The following ARPC5 variants were observed in gnomAD, a reference collection of about 807,000 sequenced individuals.
The protein encoded by ARPC5 is actin related protein 2/3 complex subunit 5, also known as actin-related protein 2/3 complex subunit 5.
ARPC5 carries 5 observed loss-of-function variants against 15.4 expected under a neutral mutation model. The observed-to-expected ratio is 0.32, with a 90% CI of 0.17 to 0.68. ARPC5 has a LOEUF of 0.68. Among genes scored for constraint, ARPC5 ranks in the 30% least tolerant of loss-of-function variants. The probability of loss-of-function intolerance (pLI) is 0.71; values close to 1 mark genes in which losing one functional copy is unlikely to be tolerated. For missense variants in ARPC5, 138 were observed against 192.8 expected (o/e 0.72, Z 1.68); for synonymous variants, 85 against 72.2 (o/e 1.18, Z -0.90).
intron 3 of ARPC5, among the ~76,000 whole-genome samples, chr1:183,628,098 A>G (rs61377120): frequency 0.083 from 11,846 of 142,286 alleles, 902 homozygotes; most frequent in African/African-American, 0.21. Flanking sequence ...GTGTGAACCC[A>G]GGAGGCGGAG....
At position 183,633,234 on chromosome 1, in the gene ARPC5, A is replaced by G. The variant is rs1422746109; in HGVS notation, c.144-80T>C. ...ACCACTGGTTCTTATGACTTGATTTACATATAAAAAGAAAATTACTTTGGT... is the reference window on the plus strand; with the variant it reads ...ACCACTGGTTCTTATGACTTGATTTGCATATAAAAAGAAAATTACTTTGGT... On this transcript the variant is annotated intron_variant, in intron 1 of 3. Transcript: ENST00000359856. The G allele has an allele frequency of 6.2e-6, 6 of 960,658 alleles. No individual in the cohort carries two copies. In the Admixed American group the frequency reaches 1.7e-4, roughly 28 times the overall value. 59.5% of individuals were successfully genotyped at this position (960,658 alleles called of 1,614,324 possible). A position where few individuals can be genotyped will look rare whatever the true frequency, so the allele number is the denominator to read the frequency against.
At chr1:183,634,874 C>G (rs918918549) in intron 1 of ARPC5, among the ~76,000 whole-genome samples, 2 of 148,446 alleles carry the variant, frequency 1.3e-5, no homozygotes, top group Non-Finnish European at 3.0e-5. Context: ...TTAACAAATT[C>G]TGTACAATGT....
rs1323592991 is a variant in ARPC5, at chr1:183,626,855, T to C, written c.*677A>G. ...AAGCTCTGATATTTTATGGATACAT[T>C]TGTATAAAGCAAGACTTCTTGCTCT... On this transcript the variant is annotated 3_prime_UTR_variant, in exon 4 of 4. Transcript: ENST00000359856. The C allele has an allele frequency of 6.6e-6, 1 of 152,252 alleles. No homozygotes were observed. Among genetic ancestry groups the C allele is most frequent in the East Asian group, 1.9e-4 (1 of 5,202 alleles). The allele number at this position is 152,252 out of a possible 1,614,324, so 9.4% of individuals were successfully genotyped here.
In ARPC5 at chr1:183,623,658, G is replaced by T; in HGVS notation, c.*3874C>A. 1.4e-6 allele frequency: 1 copy of T among 698,724 alleles called. No homozygotes were observed. The highest frequency in any genetic ancestry group is 2.3e-6 in the Non-Finnish European group (1 of 427,178). The allele number at this position is 698,724 out of a possible 1,614,324, so 43.3% of individuals were successfully genotyped here. On this transcript the variant is annotated 3_prime_UTR_variant, in exon 4 of 4. Transcript: ENST00000359856. ...ATTGGGTGTGTTTTTCAATTATTTTGGTGCTTTTAACATATTTTGTCTGTA... is the reference window on the plus strand; with the variant it reads ...ATTGGGTGTGTTTTTCAATTATTTTTGTGCTTTTAACATATTTTGTCTGTA...
chr1:183,621,872 A>G lies in ARPC5; in HGVS notation c.*5660T>C, dbSNP rs936228562. ...CTGTTTTATCAGCAAGGTCTTTATG[A>G]CCGGTATCTTGTGTTGACCTCCTAT... On this transcript the variant is annotated 3_prime_UTR_variant, in exon 4 of 4. Transcript: ENST00000359856. The G allele has an allele frequency of 1.3e-5, 2 of 152,100 alleles. No individual in the cohort carries two copies. The highest frequency in any genetic ancestry group is 2.9e-5 in the Non-Finnish European group (2 of 68,008). 9.4% of individuals were successfully genotyped at this position (152,100 alleles called of 1,614,324 possible).
Position 183,635,733 on chromosome 1 carries a change from C to T in ARPC5, c.-74G>A. On this transcript the variant is annotated 5_prime_UTR_variant, in exon 1 of 4. It adds an upstream start codon to the 5' untranslated region. Coordinates refer to ENST00000359856, the MANE Select transcript of ARPC5 (RefSeq NM_005717.4). ...TCAGCAAGCCCAGCCCAGCAACCCA[C>T]TACCCGGCGCCTGATTCACTTCCCT... is the stretch of plus-strand genomic sequence containing the variant. 1.9e-6 allele frequency: 3 copies of T among 1,548,398 alleles called. No individual in the cohort carries two copies. The highest frequency in any genetic ancestry group is 1.4e-5 in the African/African-American group (1 of 72,962).
Position 183,623,279 on chromosome 1 carries a change from TTGA to T in ARPC5, c.*4250_*4252del, listed in dbSNP as rs1183585830. On this transcript the variant is annotated 3_prime_UTR_variant, in exon 4 of 4. Coordinates refer to ENST00000359856, the MANE Select transcript of ARPC5 (RefSeq NM_005717.4). ...GAGATGTAAACATAGATTATTTATG[TTGA>T]TTACTCTTACACACTCAAGTAACAG... is the stretch of plus-strand genomic sequence containing the variant. 4.1e-6 allele frequency: 3 copies of T among 736,100 alleles called. No homozygotes were observed. In the African/African-American group the frequency reaches 5.3e-5, roughly 13 times the overall value. 45.6% of individuals were successfully genotyped at this position (736,100 alleles called of 1,614,324 possible). A position where few individuals can be genotyped will look rare whatever the true frequency, so the allele number is the denominator to read the frequency against.
Position 183,635,509 on chromosome 1 carries a change from A to C in ARPC5, c.143+8T>G. ...CTGGGGTGGGGAGGGCGGTGAATGC[A>C]AGGATATTGCCGCAGGCAGGAGTCC... On this transcript the variant is annotated splice_region_variant and intron_variant, in intron 1 of 3. Coordinates refer to ENST00000359856, the MANE Select transcript of ARPC5 (RefSeq NM_005717.4). The C allele has an allele frequency of 6.2e-7, 1 of 1,608,348 alleles. No individual in the cohort carries two copies. Among genetic ancestry groups the C allele is most frequent in the Non-Finnish European group, 8.5e-7 (1 of 1,177,802 alleles).
At chr1:183,632,027 A>G (rs1464295084) in intron 2 of ARPC5, 1 of 152,224 alleles carries the variant, frequency 6.6e-6, no homozygotes, top group Admixed American at 6.5e-5. Flanking sequence ...ATCCACGGTA[A>G]AAATGAAATT....
At position 183,623,625 on chromosome 1, in the gene ARPC5, G is replaced by A. The variant is rs890558654; in HGVS notation, c.*3907C>T. The A allele has an allele frequency of 7.2e-6, 7 of 970,968 alleles. No homozygotes were observed. The highest frequency in any genetic ancestry group is 1.1e-5 in the Non-Finnish European group (7 of 644,068). The allele number at this position is 970,968 out of a possible 1,614,324, so 60.1% of individuals were successfully genotyped here. A position where few individuals can be genotyped will look rare whatever the true frequency, so the allele number is the denominator to read the frequency against. On this transcript the variant is annotated 3_prime_UTR_variant, in exon 4 of 4. Transcript: ENST00000359856. ...TTGGTTCTACAGAGGCCGTTGGTCTGTTCCTTAATTGGGTGTGTTTTTCAA... is the reference window on the plus strand; with the variant it reads ...TTGGTTCTACAGAGGCCGTTGGTCTATTCCTTAATTGGGTGTGTTTTTCAA...
At position 183,621,713 on chromosome 1, in the gene ARPC5, T is replaced by TG. The variant is rs1648942025; in HGVS notation, c.*5818_*5819insC. ...CCTTTTTAGACCATATAGGATAACT[T>TG]CCTGATGTTGCCATGGCATTTGTAA... On this transcript the variant is annotated 3_prime_UTR_variant, in exon 4 of 4. Transcript: ENST00000359856. 1.3e-5 allele frequency: 2 copies of TG among 152,184 alleles called. No homozygotes were observed. The highest frequency in any genetic ancestry group is 2.4e-5 in the African/African-American group (1 of 41,448). 9.4% of individuals were successfully genotyped at this position (152,184 alleles called of 1,614,324 possible). A position where few individuals can be genotyped will look rare whatever the true frequency, so the allele number is the denominator to read the frequency against.
chr1:183,622,558 A>C lies in ARPC5; in HGVS notation c.*4974T>G, dbSNP rs1197552522. The stretch of plus-strand genomic sequence containing the variant: ...TGATATAAATTCATGGATATAATTT[A>C]ATGGTTATCTTTAAGGAAAACAAGG... On this transcript the variant is annotated 3_prime_UTR_variant, in exon 4 of 4. Coordinates refer to ENST00000359856, the MANE Select transcript of ARPC5 (RefSeq NM_005717.4). 6.6e-6 allele frequency: 1 copy of C among 152,242 alleles called. No homozygotes were observed. The highest frequency in any genetic ancestry group is 2.4e-5 in the African/African-American group (1 of 41,464). 9.4% of individuals were successfully genotyped at this position (152,242 alleles called of 1,614,324 possible).
intron 3 of ARPC5, among the ~76,000 whole-genome samples, chr1:183,627,927 A>G (rs1445661787): frequency 6.6e-6 from 1 of 151,868 alleles, no homozygotes; most frequent in Non-Finnish European, 1.5e-5. Flanking sequence ...TAATCCCAGC[A>G]CTTTGGGAGG....
intron 2 of ARPC5, chr1:183,632,506 G>A (rs1180573576): frequency 6.6e-6 from 1 of 152,114 alleles, no homozygotes; most frequent in African/African-American, 2.4e-5. Flanking sequence ...ATATACAAGT[G>A]TTAAAAATGC....
chr1:183,627,869 T>C (rs1046070992), intron 3 of ARPC5, among the ~76,000 whole-genome samples: 4 of 152,132 alleles, frequency 2.6e-5, no homozygotes, highest in African/African-American at 7.2e-5. Context: ...TTCTAAATAA[T>C]GTTTTAAAAA....
intron 3 of ARPC5, 57 bp from the exon 4 acceptor site, chr1:183,627,651 T>C (rs1034077216): frequency 7.1e-7 from 1 of 1,410,252 alleles, no homozygotes; most frequent in Admixed American, 1.7e-5. Context: ...AATTCTCATA[T>C]TTGGTAAAAC....
In ARPC5 at chr1:183,625,322, T is replaced by C. The variant is rs370097707; in HGVS notation, c.*2210A>G. The C allele has an allele frequency of 6.6e-6, 1 of 152,084 alleles. No homozygotes were observed. The highest frequency in any genetic ancestry group is 1.9e-4 in the East Asian group (1 of 5,200). 9.4% of individuals were successfully genotyped at this position (152,084 alleles called of 1,614,324 possible). On this transcript the variant is annotated 3_prime_UTR_variant, in exon 4 of 4. Transcript: ENST00000359856. ...AGTATCCATTTTGACTCGGTCTCTATATTATACTACTTGTTAAATATTTTT... is the reference window on the plus strand; with the variant it reads ...AGTATCCATTTTGACTCGGTCTCTACATTATACTACTTGTTAAATATTTTT...
intron 2 of ARPC5, chr1:183,632,047 A>G (rs1210335030): frequency 3.9e-5 from 6 of 152,196 alleles, no homozygotes; most frequent in Admixed American, 3.3e-4. Context: ...TTCAACGACA[A>G]TCTTTACAAC....
Position 183,633,040 on chromosome 1 carries a change from A to T in ARPC5, c.216+42T>A, listed in dbSNP as rs769337357. ...AACTGCAGAGGATTTTACTAAGAAT[A>T]AGATATCAGCAGAGATCACTGTGTT... On this transcript the variant is annotated intron_variant, in intron 2 of 3. Coordinates refer to ENST00000359856, the MANE Select transcript of ARPC5 (RefSeq NM_005717.4). 12 of 1,420,760 alleles carry T rather than the reference A, an allele frequency of 8.4e-6. No individual in the cohort carries two copies. The African/African-American group carries it at 1.8e-4, about 21-fold the overall frequency. 88.0% of individuals were successfully genotyped at this position (1,420,760 alleles called of 1,614,324 possible).
Sources: allele counts gnomAD v4.1 joint callset (sites outside exome capture counted in the v4.1 genomes callset), GRCh38; gene constraint gnomAD v4.1.1; transcripts MANE v1.5; gene names NCBI Gene and HGNC (gene_info 2026-07-23, HGNC 2026-07-21).